The following ARHGAP6 variants were observed in gnomAD, a reference collection of about 807,000 sequenced individuals.
ARHGAP6 encodes the protein Rho GTPase activating protein 6.
ARHGAP6 carries 16 observed loss-of-function variants against 55.7 expected under a neutral mutation model. The ratio of observed to expected loss-of-function variants is 0.29; its 90% confidence interval spans 0.19 to 0.44. The LOEUF is 0.44. ARHGAP6 is among the 20% of genes least tolerant of loss of function. ARHGAP6 has a pLI of 1.00. For missense variants in ARHGAP6, 698 were observed against 808.9 expected, an observed-to-expected ratio of 0.86 and a Z score of 1.66; for synonymous variants, 382 against 360.9, an observed-to-expected ratio of 1.06 and a Z score of -0.66.
At chrX:11,361,086 A>T (rs1269679877) in intron 1 of ARHGAP6, among the ~76,000 whole-genome samples, 1 of 109,949 alleles carries the variant, frequency 9.1e-6, no homozygotes, top group Non-Finnish European at 1.9e-5. Flanking sequence ...GCCCAAGGTA[A>T]TTTATAGATT....
chrX:11,187,844 C>A (rs766746298), intron 4 of ARHGAP6, among the ~76,000 whole-genome samples: 15 of 111,504 alleles, frequency 1.3e-4, no homozygotes, highest in African/African-American at 4.9e-4. Flanking sequence ...GTCTGGGCAA[C>A]ACAATGAGAC....
chrX:11,555,484 TG>T (rs1244514964), intron 1 of ARHGAP6, among the ~76,000 whole-genome samples: 1 of 111,359 alleles, frequency 9.0e-6, no homozygotes, highest in African/African-American at 3.3e-5. Flanking sequence ...CAGGGCGTCG[TG>T]GCTCACACCT....
intron 1 of ARHGAP6, among the ~76,000 whole-genome samples, chrX:11,541,807 A>G (rs950811071): frequency 3.6e-5 from 4 of 112,596 alleles, no homozygotes; most frequent in African/African-American, 1.3e-4. Flanking sequence ...AAATGGGGAT[A>G]ATAGTAATAA....
At chrX:11,233,354 C>T (rs1052023373) in intron 2 of ARHGAP6, among the ~76,000 whole-genome samples, 5 of 111,622 alleles carry the variant, frequency 4.5e-5, no homozygotes, top group Non-Finnish European at 7.5e-5. Flanking sequence ...CCTGCTAATG[C>T]GCATTAAATC....
At chrX:11,199,828 C>T (rs1015294194) in intron 2 of ARHGAP6, among the ~76,000 whole-genome samples, 1 of 112,184 alleles carries the variant, frequency 8.9e-6, no homozygotes, top group Non-Finnish European at 1.9e-5. Flanking sequence ...TGATGGATGA[C>T]GTGCAATAAT....
chrX:11,466,988 G>A (rs1237990793), intron 1 of ARHGAP6, among the ~76,000 whole-genome samples: 1 of 112,467 alleles, frequency 8.9e-6, no homozygotes, highest in East Asian at 2.8e-4. Context: ...TAATCAGGAA[G>A]AACATTGCAG....
At chrX:11,252,408 T>C (rs990367138) in intron 2 of ARHGAP6, among the ~76,000 whole-genome samples, 2 of 112,322 alleles carry the variant, frequency 1.8e-5, no homozygotes, top group African/African-American at 3.2e-5. Context: ...GGGCCCCACA[T>C]GGGCCACTTT....
At chrX:11,427,783 G>A (rs1354186222) in intron 1 of ARHGAP6, 64 of 762,993 alleles carry the variant, frequency 8.4e-5, no homozygotes, top group Non-Finnish European at 9.9e-5. Context: ...GTGGGGACCT[G>A]GAGAAGGCAG....
At chrX:11,486,503 C>T (rs914113745) in intron 1 of ARHGAP6, among the ~76,000 whole-genome samples, 2 of 111,952 alleles carry the variant, frequency 1.8e-5, no homozygotes, top group Middle Eastern at 4.3e-3. Context: ...AAACATAAAT[C>T]AATTATAAAA....
intron 1 of ARHGAP6, among the ~76,000 whole-genome samples, chrX:11,292,421 G>C (rs1395209545): frequency 8.9e-6 from 1 of 111,800 alleles, no homozygotes; most frequent in African/African-American, 3.3e-5. Flanking sequence ...GGTTCTTTTA[G>C]AAAGTGAATA....
rs1489590656 is a variant in ARHGAP6 at position 11,227,507 on chromosome X, C to T, written c.748+27041G>A. ...TCTTTTCTGAGTTATCTCTTCTCTT[C>T]TGAGCCATCCTTCACTGATGGGCAA... On this transcript the variant is annotated intron_variant, in intron 2 of 12. Transcript: ENST00000337414. 2.7e-5 allele frequency among the ~76,000 whole-genome samples: 3 copies of T among 111,937 alleles called. No individual in the cohort carries two copies. In the Admixed American group the frequency reaches 2.8e-4, roughly 11 times the overall value.
At chrX:11,657,048 T>C (rs1272230744) in intron 1 of ARHGAP6, among the ~76,000 whole-genome samples, 2 of 111,967 alleles carry the variant, frequency 1.8e-5, no homozygotes, top group African/African-American at 6.5e-5. Context: ...GATGACTATC[T>C]GTGTGAGTGG....
intron 9 of ARHGAP6, among the ~76,000 whole-genome samples, chrX:11,157,470 A>G (rs1315598784): frequency 8.9e-6 from 1 of 112,010 alleles, no homozygotes; most frequent in African/African-American, 3.2e-5. Flanking sequence ...TCTAAGCCTA[A>G]TCCATCCACA....
At chrX:11,625,109 A>G (rs2052279632) in intron 1 of ARHGAP6, among the ~76,000 whole-genome samples, 2 of 111,976 alleles carry the variant, frequency 1.8e-5, no homozygotes, top group African/African-American at 6.5e-5. Context: ...ATTTTCAAAA[A>G]CTAAAAATAG....
chrX:11,561,221 G>A (rs2051381087), intron 1 of ARHGAP6, among the ~76,000 whole-genome samples: 1 of 111,728 alleles, frequency 9.0e-6, no homozygotes, highest in Admixed American at 9.5e-5. Flanking sequence ...AACAAATTAA[G>A]GGATCACTAT....
chrX:11,360,764 T>G (rs2048999672), intron 1 of ARHGAP6, among the ~76,000 whole-genome samples: 1 of 111,465 alleles, frequency 9.0e-6, no homozygotes, highest in Non-Finnish European at 1.9e-5. Context: ...AACCCCATTG[T>G]CTCAGCCCAA....
At chrX:11,352,406 A>T (rs2048873744) in intron 1 of ARHGAP6, among the ~76,000 whole-genome samples, 1 of 112,198 alleles carries the variant, frequency 8.9e-6, no homozygotes, top group Admixed American at 9.5e-5. Flanking sequence ...TACCTTTGGT[A>T]TATCTTCAGT....
intron 1 of ARHGAP6, among the ~76,000 whole-genome samples, chrX:11,414,647 T>G (rs1396605809): frequency 9.0e-6 from 1 of 111,699 alleles, no homozygotes; most frequent in African/African-American, 3.3e-5. Flanking sequence ...CAAGATTCTG[T>G]GTGTGTACTT....
chrX:11,535,058 T>A (rs2051088794), intron 1 of ARHGAP6, among the ~76,000 whole-genome samples: 1 of 111,748 alleles, frequency 8.9e-6, no homozygotes, highest in African/African-American at 3.3e-5. Context: ...TAGTTTCAAA[T>A]TTTTAACCAC....
Sources: allele counts gnomAD v4.1 joint callset (sites outside exome capture counted in the v4.1 genomes callset), GRCh38; gene constraint gnomAD v4.1.1; transcripts MANE v1.5; gene names NCBI Gene and HGNC (gene_info 2026-07-23, HGNC 2026-07-21).